Variants in GRAMD2B observed in about 807,000 individuals in gnomAD.
GRAMD2B encodes the protein GRAM domain containing 2B, also known as GRAM domain-containing protein 2B.
GRAMD2B carries 41 observed loss-of-function variants against 59.2 expected under a neutral mutation model. The ratio of observed to expected loss-of-function variants is 0.69; its 90% CI spans 0.54 to 0.90. GRAMD2B has a LOEUF of 0.90. Among genes scored for constraint, GRAMD2B ranks in the 40% least tolerant of loss-of-function variants. GRAMD2B has a pLI of 0.00. For missense variants in GRAMD2B, 424 were observed against 500.5 expected, an observed-to-expected ratio of 0.85 and a Z score of 1.46; for synonymous variants, 161 against 182.7, an observed-to-expected ratio of 0.88 and a Z score of 0.96.
intron 1 of GRAMD2B, among the ~76,000 whole-genome samples, chr5:126,450,348 T>C (rs903614665): frequency 6.6e-6 from 1 of 152,318 alleles, no homozygotes; most frequent in African/African-American, 2.4e-5. Flanking sequence ...AAAAATTCTC[T>C]TCTGACCAAA....
At chr5:126,395,354 C>T (rs1185594398) in intron 1 of GRAMD2B, among the ~76,000 whole-genome samples, 1 of 152,158 alleles carries the variant, frequency 6.6e-6, no homozygotes, top group Non-Finnish European at 1.5e-5. Flanking sequence ...CTGAATTAAA[C>T]AACTATGGTC....
chr5:126,394,915 C>T (rs1757227723), intron 1 of GRAMD2B, among the ~76,000 whole-genome samples: 1 of 152,112 alleles, frequency 6.6e-6, no homozygotes, highest in Admixed American at 6.5e-5. Flanking sequence ...TAAGAAACAT[C>T]CTAAGGCTAG....
intron 13 of GRAMD2B, among the ~76,000 whole-genome samples, chr5:126,490,785 G>A (rs867643646): frequency 4.7e-4 from 71 of 152,232 alleles, no homozygotes; most frequent in African/African-American, 1.5e-3. Context: ...TTCGGGGGCC[G>A]GTGATGTCTA....
intron 1 of GRAMD2B, among the ~76,000 whole-genome samples, chr5:126,402,088 G>A (rs1282030647): frequency 6.6e-6 from 1 of 152,052 alleles, no homozygotes. Flanking sequence ...CCTAGGTAGG[G>A]AGGCCCAGCT....
intron 1 of GRAMD2B, among the ~76,000 whole-genome samples, chr5:126,452,851 A>G (rs962118099): frequency 1.3e-5 from 2 of 152,192 alleles, no homozygotes; most frequent in Non-Finnish European, 2.9e-5. Context: ...CTAAGTAATG[A>G]AAAATTTCAG....
intron 1 of GRAMD2B, among the ~76,000 whole-genome samples, chr5:126,388,181 T>C (rs1756351136): frequency 6.6e-6 from 1 of 152,100 alleles, no homozygotes; most frequent in Admixed American, 6.5e-5. Context: ...GAGACCAGCC[T>C]GACCAACATG....
intron 1 of GRAMD2B, among the ~76,000 whole-genome samples, chr5:126,451,918 T>G (rs575190927): frequency 1.3e-5 from 2 of 152,172 alleles, no homozygotes; most frequent in South Asian, 4.2e-4. Context: ...CCCTTCTCTC[T>G]CTCTTGCTCC....
At chr5:126,435,874 C>A (rs143352306) in intron 1 of GRAMD2B, among the ~76,000 whole-genome samples, 36 of 152,196 alleles carry the variant, frequency 2.4e-4, no homozygotes, top group African/African-American at 7.9e-4. Flanking sequence ...GCAGGACTGC[C>A]GCTGGAACAT....
intron 2 of GRAMD2B, among the ~76,000 whole-genome samples, chr5:126,467,088 G>C (rs1056960824): frequency 6.6e-6 from 1 of 152,008 alleles, no homozygotes; most frequent in Non-Finnish European, 1.5e-5. Context: ...TCAGGAGTTC[G>C]AGACCAGCCT....
chr5:126,381,818 A>G (rs1755684354), intron 1 of GRAMD2B, among the ~76,000 whole-genome samples: 1 of 151,798 alleles, frequency 6.6e-6, no homozygotes, highest in Non-Finnish European at 1.5e-5. Flanking sequence ...ATGAGGTTCT[A>G]TTTTGGCATA....
intron 1 of GRAMD2B, among the ~76,000 whole-genome samples, chr5:126,396,700 G>T (rs1289360789): frequency 6.6e-6 from 1 of 152,134 alleles, no homozygotes; most frequent in East Asian, 1.9e-4. Flanking sequence ...ACCCAGTAAT[G>T]GATTGGTAGG....
chr5:126,398,695 T>C (rs1225219165), intron 1 of GRAMD2B, among the ~76,000 whole-genome samples: 1 of 152,112 alleles, frequency 6.6e-6, no homozygotes, highest in East Asian at 1.9e-4. Context: ...AGTTAGATTG[T>C]TTATGCAAAA....
rs372561018 is a variant in GRAMD2B, at chr5:126,480,679, G to C, written c.707G>C (p.Arg236Pro). 1.2e-6 allele frequency: 2 copies of C among 1,614,044 alleles called. No individual in the cohort carries two copies. ...PNPSSAENSF[R>P]ADRPSSLPLD... ...CCATCTTCTGCTGAAAACAGTTTCC[G>C]AGCAGACCGCCCTTCATCTCTGCCT... is the stretch of plus-strand genomic sequence containing the variant. Residue 236 changes from arginine to proline, a missense_variant, in exon 8 of 14, where the codon CGA becomes CCA. Physicochemically the swap from Arg to Pro is moderately radical, Grantham distance 103. Coordinates refer to ENST00000285689, the MANE Select transcript of GRAMD2B (RefSeq NM_023927.4).
intron 1 of GRAMD2B, among the ~76,000 whole-genome samples, chr5:126,438,259 A>G (rs1013030741): frequency 6.6e-6 from 1 of 152,192 alleles, no homozygotes; most frequent in African/African-American, 2.4e-5. Context: ...TTTGTTTTTT[A>G]GGTGAGAGAG....
At chr5:126,423,172 TC>T (rs774586840), upstream of GRAMD2B, 1 of 997,802 alleles carries the variant, frequency 1.0e-6, no homozygotes, top group South Asian at 4.4e-5. Flanking sequence ...CCTCTAAAAA[TC>T]CCCCTGTTAC....
At chr5:126,374,335 T>C (rs1326431570) in intron 1 of GRAMD2B, among the ~76,000 whole-genome samples, 1 of 152,218 alleles carries the variant, frequency 6.6e-6, no homozygotes, top group African/African-American at 2.4e-5. Context: ...CTTTTCAACA[T>C]GTTTAGTGGT....
At chr5:126,455,339 G>A (rs1037740316) in intron 1 of GRAMD2B, among the ~76,000 whole-genome samples, 2 of 152,050 alleles carry the variant, frequency 1.3e-5, no homozygotes, top group Admixed American at 1.3e-4. Context: ...CCTACCACCA[G>A]TCAAATGAAG....
At chr5:126,442,156 G>A (rs1763396772) in intron 1 of GRAMD2B, among the ~76,000 whole-genome samples, 1 of 151,104 alleles carries the variant, frequency 6.6e-6, no homozygotes, top group South Asian at 2.1e-4. Flanking sequence ...AAACAGATAG[G>A]ATTTGAATTC....
intron 1 of GRAMD2B, among the ~76,000 whole-genome samples, chr5:126,416,275 A>C (rs1170647176): frequency 6.6e-6 from 1 of 152,176 alleles, no homozygotes; most frequent in East Asian, 1.9e-4. Context: ...CATGAACCAA[A>C]GATTTTCCTT....
Sources: gnomAD v4.1 joint callset for allele counts (sites outside exome capture counted in the v4.1 genomes callset) on GRCh38, gnomAD v4.1.1 for gene constraint, MANE v1.5 for transcripts, NCBI Gene and HGNC (gene_info 2026-07-23, HGNC 2026-07-21) for gene names.